The following PHF21B variants were observed in gnomAD, a reference collection of about 807,000 sequenced individuals.
PHF21B encodes PHD finger protein 21B, also known as PHD finger protein 4.
PHF21B carries 22 observed loss-of-function variants against 62.2 expected under a neutral mutation model. The observed-to-expected ratio is 0.35, with a 90% CI of 0.25 to 0.51. The LOEUF (loss-of-function observed/expected upper bound fraction) is 0.51. Among genes scored for constraint, PHF21B ranks in the 20% least tolerant of loss-of-function variants. PHF21B has a pLI of 0.97. For synonymous variants in PHF21B, 341 were observed against 314.7 expected (o/e 1.08, Z -0.88); for missense variants, 701 against 707.9 (o/e 0.99, Z 0.11).
At chr22:44,989,685 C>T (rs1267973173) in intron 2 of PHF21B, among the ~76,000 whole-genome samples, 1 of 143,090 alleles carries the variant, frequency 7.0e-6, no homozygotes, top group Admixed American at 7.4e-5. Context: ...TGTCAGCTCA[C>T]GGCAACCTCC....
chr22:44,930,786 G>GC (rs136689), intron 2 of PHF21B, among the ~76,000 whole-genome samples: 152,341 of 152,348 alleles, frequency 1, 76,167 homozygotes, highest in Non-Finnish European at 1. Flanking sequence ...TGCTGGCCAA[G>GC]CCCTGAAAGG....
chr22:44,975,035 A>G (rs1181169510), intron 2 of PHF21B, among the ~76,000 whole-genome samples: 1 of 152,182 alleles, frequency 6.6e-6, no homozygotes, highest in Non-Finnish European at 1.5e-5. Flanking sequence ...CTCCTCCAGC[A>G]TGGAGCCACA....
intron 2 of PHF21B, among the ~76,000 whole-genome samples, chr22:44,968,142 G>A (rs1366977393): frequency 4.6e-5 from 7 of 152,034 alleles, no homozygotes; most frequent in South Asian, 2.1e-4. Flanking sequence ...AAGCCACTGC[G>A]CCCAGCTCAC....
intron 2 of PHF21B, among the ~76,000 whole-genome samples, chr22:44,992,328 G>A (rs983041288): frequency 2.0e-5 from 3 of 152,200 alleles, no homozygotes; most frequent in African/African-American, 4.8e-5. Flanking sequence ...TGACGGGGAC[G>A]GGGTGCTGTG....
At chr22:44,985,706 T>C (rs2072933016) in intron 2 of PHF21B, among the ~76,000 whole-genome samples, 2 of 152,214 alleles carry the variant, frequency 1.3e-5, no homozygotes, top group Admixed American at 6.5e-5. Flanking sequence ...TGTGTTGTGA[T>C]GGCAAAGCAA....
At chr22:44,973,236 C>T (rs965966913) in intron 2 of PHF21B, among the ~76,000 whole-genome samples, 1 of 152,146 alleles carries the variant, frequency 6.6e-6, no homozygotes, top group African/African-American at 2.4e-5. Context: ...CCTCCCTGTC[C>T]CTGGACCCTG....
chr22:45,007,532 G>C (rs888594085), intron 2 of PHF21B, among the ~76,000 whole-genome samples: 1 of 144,694 alleles, frequency 6.9e-6, no homozygotes, highest in Non-Finnish European at 1.5e-5. Flanking sequence ...ATCGATGGCC[G>C]GGGGCGCGGC....
intron 3 of PHF21B, among the ~76,000 whole-genome samples, chr22:44,917,518 G>A (rs540956613): frequency 1.3e-4 from 20 of 152,240 alleles, no homozygotes; most frequent in African/African-American, 4.1e-4. Flanking sequence ...CCAATATTAT[G>A]CCTTGAGAGA....
intron 2 of PHF21B, among the ~76,000 whole-genome samples, chr22:44,969,892 T>A (rs925943906): frequency 6.6e-6 from 1 of 152,220 alleles, no homozygotes. Flanking sequence ...CCCAAGGACA[T>A]CCAGCTACTA....
chr22:44,890,138 C>G (rs181142590), intron 8 of PHF21B, among the ~76,000 whole-genome samples: 23 of 152,224 alleles, frequency 1.5e-4, no homozygotes, highest in African/African-American at 5.3e-4. Flanking sequence ...GGTCTCACTC[C>G]TGGGCAGGAT....
At chr22:44,915,666 CAA>C (rs2071418838) in intron 4 of PHF21B, among the ~76,000 whole-genome samples, 1 of 152,192 alleles carries the variant, frequency 6.6e-6, no homozygotes, top group Non-Finnish European at 1.5e-5. Context: ...CAGCCATAAG[CAA>C]GAGAGGGGCG....
rs1188664787 is a variant in PHF21B, at chr22:44,942,739, G to A, written c.121-22249C>T. Among the ~76,000 whole-genome samples, 3 of 152,170 alleles carry A rather than the reference G, an allele frequency of 2.0e-5. No homozygotes were observed. In the East Asian group the frequency reaches 5.8e-4, roughly 29 times the overall value. ...ACGAGCTGTCGGGGAGCCACGTGGA[G>A]GGCAGGACCACCCAGGCTTCCCTGG... On this transcript the variant is annotated intron_variant, in intron 2 of 12. Transcript: ENST00000313237.
At chr22:44,956,543 G>A (rs928217298) in intron 2 of PHF21B, among the ~76,000 whole-genome samples, 3 of 152,160 alleles carry the variant, frequency 2.0e-5, no homozygotes, top group Admixed American at 6.5e-5. Context: ...TGACAATATC[G>A]TTTAATGGCA....
At chr22:44,884,078 T>TCACCACCACCACC (rs2070790996) in intron 12 of PHF21B, among the ~76,000 whole-genome samples, 1 of 84,446 alleles carries the variant, frequency 1.2e-5, no homozygotes, top group Non-Finnish European at 2.5e-5. Context: ...TGATCACCAT[T>TCACCACCACCACC]ATCACCACCG....
intron 2 of PHF21B, among the ~76,000 whole-genome samples, chr22:44,979,205 G>C (rs1217805835): frequency 6.6e-6 from 1 of 152,250 alleles, no homozygotes; most frequent in Non-Finnish European, 1.5e-5. Context: ...CTGCTGGCTT[G>C]GGGGCAGTGG....
intron 2 of PHF21B, among the ~76,000 whole-genome samples, chr22:45,007,058 G>T (rs1042232983): frequency 3.3e-5 from 5 of 151,742 alleles, no homozygotes; most frequent in Admixed American, 2.6e-4. Flanking sequence ...CCCCTCCGGC[G>T]GGAATGGAAG....
At chr22:44,944,987 G>A (rs538289629) in intron 2 of PHF21B, among the ~76,000 whole-genome samples, 1 of 113,504 alleles carries the variant, frequency 8.8e-6, no homozygotes, top group South Asian at 2.4e-4. Flanking sequence ...TACCTCTTAG[G>A]AGCACATGAG....
chr22:44,952,836 G>A (rs185821369), intron 2 of PHF21B, among the ~76,000 whole-genome samples: 5 of 152,300 alleles, frequency 3.3e-5, no homozygotes, highest in South Asian at 2.1e-4. Context: ...GGTGCTAGGC[G>A]CAGATTCTCA....
chr22:44,958,153 T>C (rs1236940983), intron 2 of PHF21B, among the ~76,000 whole-genome samples: 4 of 152,228 alleles, frequency 2.6e-5, no homozygotes, highest in Non-Finnish European at 5.9e-5. Context: ...TCTGCCCACC[T>C]TGGCCTCCCA....
Sources: allele counts gnomAD v4.1 joint callset (sites outside exome capture counted in the v4.1 genomes callset), GRCh38; gene constraint gnomAD v4.1.1; transcripts MANE v1.5; gene names NCBI Gene and HGNC (gene_info 2026-07-23, HGNC 2026-07-21).